DHRSX: variants seen among roughly 807,000 people sequenced by gnomAD.
DHRSX encodes dehydrogenase/reductase X-linked.
A neutral mutation model predicts 34.0 loss-of-function variants in DHRSX; 31 were observed. The observed-to-expected ratio is 0.91, with a 90% confidence interval of 0.69 to 1.23. The LOEUF is 1.23. DHRSX is among the 50% of genes most tolerant of loss of function. The pLI is 0.00. For synonymous variants in DHRSX, 201 were observed against 183.8 expected, an observed-to-expected ratio of 1.09 and a Z score of -0.76; for missense variants, 414 against 428.1, an observed-to-expected ratio of 0.97 and a Z score of 0.29.
At chrX:2,336,902 G>C (rs2042574998) in intron 3 of DHRSX, among the ~76,000 whole-genome samples, 1 of 152,086 alleles carries the variant, frequency 6.6e-6, no homozygotes, top group Non-Finnish European at 1.5e-5. Context: ...TGCAGAACAT[G>C]CAGGTTTGTT....
intron 1 of DHRSX, chrX:2,488,874 C>T (rs201137609): frequency 2.5e-5 from 41 of 1,612,404 alleles, no homozygotes; most frequent in South Asian, 3.3e-5. Context: ...TCAGGGGCGA[C>T]GCGCGTGGCC....
intron 3 of DHRSX, among the ~76,000 whole-genome samples, chrX:2,405,725 A>G (rs1402843450): frequency 6.6e-6 from 1 of 151,120 alleles, no homozygotes; most frequent in Non-Finnish European, 1.5e-5. Context: ...TGGGCCTGGG[A>G]GGCGGAGGTT....
intron 5 of DHRSX, among the ~76,000 whole-genome samples, chrX:2,252,247 T>C (rs1489581114): frequency 4.6e-5 from 7 of 151,644 alleles, no homozygotes; most frequent in Non-Finnish European, 1.0e-4. Context: ...CAAAAATAAA[T>C]AAATAAAAAG....
At chrX:2,392,494 TAAG>T in intron 3 of DHRSX, 1 of 278,352 alleles carries the variant, frequency 3.6e-6, no homozygotes, top group Non-Finnish European at 7.2e-6. Flanking sequence ...TAAAATAAAA[TAAG>T]TAGGTATATA....
At chrX:2,357,218 T>TG (rs1367818771) in intron 3 of DHRSX, among the ~76,000 whole-genome samples, 3 of 152,020 alleles carry the variant, frequency 2.0e-5, no homozygotes, top group Admixed American at 2.0e-4. Context: ...CACTCTGGCC[T>TG]GGGCAGTAAC....
At chrX:2,431,939 T>C (rs1235358897) in intron 1 of DHRSX, among the ~76,000 whole-genome samples, 3 of 152,092 alleles carry the variant, frequency 2.0e-5, no homozygotes, top group Non-Finnish European at 4.4e-5. Flanking sequence ...ACACCTGTCA[T>C]CCCAGCACTT....
intron 1 of DHRSX, among the ~76,000 whole-genome samples, chrX:2,473,076 T>G (rs1013454413): frequency 2.0e-5 from 3 of 152,158 alleles, no homozygotes; most frequent in Non-Finnish European, 4.4e-5. Flanking sequence ...AGCCAGTTTG[T>G]TCACAGCCGT....
intron 3 of DHRSX, among the ~76,000 whole-genome samples, chrX:2,317,027 G>A (rs182926296): frequency 1.3e-5 from 2 of 151,876 alleles, no homozygotes; most frequent in East Asian, 3.9e-4. Context: ...GCGCCATCTC[G>A]GCTCACTGCA....
At chrX:2,243,348 G>A (rs1162553902) in intron 5 of DHRSX, 118 bp from the exon 6 acceptor site, 2 of 791,360 alleles carry the variant, frequency 2.5e-6, no homozygotes, top group African/African-American at 3.4e-5. Context: ...ACCTCCCCTA[G>A]ACCCATGTGT....
intron 3 of DHRSX, among the ~76,000 whole-genome samples, chrX:2,360,863 G>C (rs781435469): frequency 2.8e-4 from 43 of 152,170 alleles, no homozygotes; most frequent in African/African-American, 8.2e-4. Flanking sequence ...CGTTAGATAT[G>C]TCACGGTTGA....
intron 3 of DHRSX, among the ~76,000 whole-genome samples, chrX:2,314,825 A>G (rs1236724803): frequency 6.6e-6 from 1 of 152,068 alleles, no homozygotes; most frequent in Non-Finnish European, 1.5e-5. Flanking sequence ...CCTGAAATTT[A>G]CCCGACTTGA....
At chrX:2,267,392 A>T (rs2041489240) in intron 4 of DHRSX, among the ~76,000 whole-genome samples, 1 of 152,028 alleles carries the variant, frequency 6.6e-6, no homozygotes, top group Non-Finnish European at 1.5e-5. Context: ...TAAAAATACA[A>T]AAATTAGCCA....
chrX:2,296,347 G>A (rs982568250), intron 3 of DHRSX, among the ~76,000 whole-genome samples: 1 of 152,178 alleles, frequency 6.6e-6, no homozygotes, highest in African/African-American at 2.4e-5. Flanking sequence ...AGAGGGAGGG[G>A]AGGGAAGGAG....
intron 1 of DHRSX, among the ~76,000 whole-genome samples, chrX:2,451,399 C>A (rs1204206941): frequency 1.3e-5 from 2 of 152,142 alleles, no homozygotes; most frequent in Non-Finnish European, 2.9e-5. Context: ...ACACTAGAAG[C>A]CTCTGATAGG....
At chrX:2,233,724 C>T (rs1020774467) in intron 6 of DHRSX, among the ~76,000 whole-genome samples, 1 of 151,648 alleles carries the variant, frequency 6.6e-6, no homozygotes, top group Admixed American at 6.6e-5. Flanking sequence ...CAGGAGCTTC[C>T]AATAGACATG....
chrX:2,319,518 C>T (rs1165272635), intron 3 of DHRSX, among the ~76,000 whole-genome samples: 4 of 126,004 alleles, frequency 3.2e-5, no homozygotes, highest in African/African-American at 6.3e-5. Context: ...ACTCCAGCCT[C>T]GGTGACAGAG....
intron 3 of DHRSX, among the ~76,000 whole-genome samples, chrX:2,360,586 A>T (rs894467830): frequency 3.3e-5 from 5 of 152,094 alleles, no homozygotes; most frequent in Non-Finnish European, 5.9e-5. Flanking sequence ...CTGTTTCAAC[A>T]ACAACAACAA....
At chrX:2,465,771 T>G (rs1237998327) in intron 1 of DHRSX, among the ~76,000 whole-genome samples, 5 of 145,322 alleles carry the variant, frequency 3.4e-5, no homozygotes, top group African/African-American at 5.2e-5. Context: ...ATTCAGCCAT[T>G]GCACTCTAGC....
intron 1 of DHRSX, chrX:2,489,372 C>A: frequency 2.7e-5 from 43 of 1,613,958 alleles, no homozygotes; most frequent in Non-Finnish European, 3.6e-5. Context: ...TTGGCGATGA[C>A]CTCCTTGGCC....
Sources: allele counts gnomAD v4.1 joint callset (sites outside exome capture counted in the v4.1 genomes callset), GRCh38; gene constraint gnomAD v4.1.1; transcripts MANE v1.5; gene names NCBI Gene and HGNC (gene_info 2026-07-23, HGNC 2026-07-21).